Variants in IL4 observed in about 807,000 individuals in gnomAD.
IL4 encodes the protein interleukin-4.
Under a neutral mutation model 17.4 loss-of-function variants are expected in IL4, and 10 were observed. The observed-to-expected ratio is 0.57, with a 90% confidence interval of 0.35 to 0.97. The LOEUF (loss-of-function observed/expected upper bound fraction) is 0.97. Among genes scored for constraint, IL4 ranks in the 50% least tolerant of loss-of-function variants. The pLI is 0.01. For synonymous variants in IL4, 87 were observed against 79.0 expected (o/e 1.10, Z -0.54); for missense variants, 174 against 187.7 (o/e 0.93, Z 0.43).
chr5:132,674,759 C>T (rs368891508), intron 2 of IL4, among the ~76,000 whole-genome samples: 217 of 152,278 alleles, frequency 1.4e-3, no homozygotes, highest in African/African-American at 5.1e-3. Context: ...AAAGAAAAGC[C>T]CTCTTGGGTT....
rs1752460870 is a variant in IL4 at position 132,680,279 on chromosome 5, C to A, written c.360+389C>A. Among the ~76,000 whole-genome samples the A allele has an allele frequency of 6.6e-6, 1 of 152,118 alleles. No individual in the cohort carries two copies. Among genetic ancestry groups the A allele is most frequent in the African/African-American group, 2.4e-5 (1 of 41,424 alleles). On this transcript the variant is annotated intron_variant, in intron 3 of 3. Transcript: ENST00000231449. This position sits in a 1 kb window ranked among gnomAD's most constrained non-coding sequence, Gnocchi z 4.3. ...CAGATATTTGAATTGAGGGAGCAGG[C>A]CACATGACTAACTAGGGAGACCATT...
intron 1 of IL4, 78 bp from the exon 2 acceptor site, chr5:132,674,381 G>C: frequency 6.9e-7 from 1 of 1,454,476 alleles, no homozygotes; most frequent in South Asian, 1.1e-5. Context: ...GAGGGAGTGA[G>C]AGCTGCTCAT....
chr5:132,677,017 G>C (rs972167613), intron 2 of IL4, among the ~76,000 whole-genome samples: 10 of 152,194 alleles, frequency 6.6e-5, no homozygotes, highest in Admixed American at 4.6e-4. Context: ...TTCTTGGGTG[G>C]ACAAGTAGTT....
chr5:132,682,620 T>C lies in IL4; in HGVS notation c.*33T>C. On this transcript the variant is annotated 3_prime_UTR_variant, in exon 4 of 4. Coordinates refer to ENST00000231449, the MANE Select transcript of IL4 (RefSeq NM_000589.4). The stretch of plus-strand genomic sequence containing the variant: ...AATTTATGAGTTTTTGATAGCTTTA[T>C]TTTTTAAGTATTTATATATTTATAA... The C allele has an allele frequency of 9.3e-7, 1 of 1,080,658 alleles. No individual in the cohort carries two copies. The allele number at this position is 1,080,658 out of a possible 1,614,324, so 66.9% of individuals were successfully genotyped here. A position where few individuals can be genotyped will look rare whatever the true frequency, so the allele number is the denominator to read the frequency against.
In IL4 at chr5:132,679,852, A is replaced by G; in HGVS notation, c.322A>G (p.Lys108Glu). 1 of 1,613,868 alleles carries G rather than the reference A, an allele frequency of 6.2e-7. No individual in the cohort carries two copies. The highest frequency in any genetic ancestry group is 1.1e-5 in the South Asian group (1 of 91,066). The change falls in exon 3 of 4, where the codon AAA becomes GAA. Residue 108 changes from lysine (K) to glutamate (E), a missense_variant. By Grantham distance (56) the Lys-to-Glu change is moderately conservative (BLOSUM62 1). Coordinates refer to ENST00000231449, the MANE Select transcript of IL4 (RefSeq NM_000589.4). ...GCACAAGCAGCTGATCCGATTCCTG[A>G]AACGGCTCGACAGGAACCTCTGGGG... is the stretch of plus-strand genomic sequence containing the variant. The part of the protein sequence containing the change: ...HRHKQLIRFL[K>E]RLDRNLWGLA...
At position 132,680,178 on chromosome 5, in the gene IL4, A is replaced by G. The variant is rs1442070755; in HGVS notation, c.360+288A>G. On this transcript the variant is annotated intron_variant, in intron 3 of 3. Coordinates refer to ENST00000231449, the MANE Select transcript of IL4 (RefSeq NM_000589.4). This position sits in a 1 kb window ranked among gnomAD's most constrained non-coding sequence, Gnocchi z 4.3. ...ATGGCCAGCAGTGATACGTGCTACA[A>G]AGAAAAACATAGAAATAAAGAACAT... Among the ~76,000 whole-genome samples, 1 of 152,176 alleles carries G rather than the reference A, an allele frequency of 6.6e-6. No individual in the cohort carries two copies. Among genetic ancestry groups the G allele is most frequent in the Non-Finnish European group, 1.5e-5 (1 of 68,040 alleles).
intron 2 of IL4, among the ~76,000 whole-genome samples, chr5:132,676,875 C>G (rs1752391527): frequency 6.6e-6 from 1 of 152,126 alleles, no homozygotes; most frequent in African/African-American, 2.4e-5. Flanking sequence ...CTACTCTTGG[C>G]AGTTGCTGGA....
At chr5:132,681,635 G>T (rs1172900206) in intron 3 of IL4, among the ~76,000 whole-genome samples, 1 of 152,188 alleles carries the variant, frequency 6.6e-6, no homozygotes, top group Non-Finnish European at 1.5e-5. Context: ...GCACCTGGGG[G>T]AATGGTCCAG....
intron 3 of IL4, among the ~76,000 whole-genome samples, chr5:132,681,005 G>A (rs956330325): frequency 8.5e-5 from 13 of 152,232 alleles, no homozygotes; most frequent in African/African-American, 3.1e-4. Flanking sequence ...AAGATCAAGA[G>A]TTCAATTTTG....
chr5:132,674,234 C>T (rs1752337337), intron 1 of IL4, 49 bp downstream of exon 1: 1 of 1,597,392 alleles, frequency 6.3e-7, no homozygotes, highest in South Asian at 1.1e-5. Flanking sequence ...GTGATGCTCT[C>T]AGTATTTCTA....
intron 2 of IL4, 81 bp downstream of exon 2, chr5:132,674,587 A>C: frequency 8.6e-7 from 1 of 1,167,522 alleles, no homozygotes; most frequent in Admixed American, 1.8e-5. Flanking sequence ...TGTCTAATGG[A>C]AAACGAGCGG....
chr5:132,677,155 C>T (rs1434434802), intron 2 of IL4, among the ~76,000 whole-genome samples: 1 of 152,180 alleles, frequency 6.6e-6, no homozygotes, highest in Non-Finnish European at 1.5e-5. Context: ...CTATCCTGGG[C>T]AGGATGGGAG....
chr5:132,681,386 T>C (rs1218524279), intron 3 of IL4, among the ~76,000 whole-genome samples: 1 of 152,140 alleles, frequency 6.6e-6, no homozygotes, highest in Non-Finnish European at 1.5e-5. Context: ...GCCCCTGGGT[T>C]TGGCTGATGG....
chr5:132,674,274 A>G, intron 1 of IL4, 89 bp downstream of exon 1: 1 of 1,502,126 alleles, frequency 6.7e-7, no homozygotes, highest in Non-Finnish European at 9.2e-7. Flanking sequence ...CTGCTAGAGA[A>G]GTTGGAACTG....
intron 2 of IL4, 23 bp from the exon 3 acceptor site, chr5:132,679,691 A>T: frequency 6.3e-7 from 1 of 1,592,490 alleles, no homozygotes; most frequent in Non-Finnish European, 8.6e-7. Flanking sequence ...GCACATTGCT[A>T]TCTGTGGCAT....
chr5:132,681,283 C>T (rs1009101241), intron 3 of IL4, among the ~76,000 whole-genome samples: 2 of 151,970 alleles, frequency 1.3e-5, no homozygotes, highest in African/African-American at 4.8e-5. Context: ...GGAGAGTGGG[C>T]GGTACCCCAG....
chr5:132,676,823 C>T (rs200877866), intron 2 of IL4, among the ~76,000 whole-genome samples: 28 of 152,236 alleles, frequency 1.8e-4, no homozygotes, highest in South Asian at 2.1e-4. Context: ...TTTATTTCTT[C>T]GGGGGAACAA....
chr5:132,681,160 G>C (rs1056432210), intron 3 of IL4, among the ~76,000 whole-genome samples: 7 of 152,198 alleles, frequency 4.6e-5, no homozygotes, highest in Non-Finnish European at 1.5e-5. Flanking sequence ...AAATCTGAAT[G>C]ACAGAAAGGG....
At chr5:132,676,894 A>T (rs1752391839) in intron 2 of IL4, among the ~76,000 whole-genome samples, 1 of 152,200 alleles carries the variant, frequency 6.6e-6, no homozygotes, top group Non-Finnish European at 1.5e-5. Flanking sequence ...GAAAGAAGGC[A>T]CTGGTCTAGG....
Sources: gnomAD v4.1 joint callset for allele counts (sites outside exome capture counted in the v4.1 genomes callset) on GRCh38, gnomAD v4.1.1 for gene constraint, Gnocchi (gnomAD v3.1) non-coding constraint, MANE v1.5 for transcripts, NCBI Gene and HGNC (gene_info 2026-07-23, HGNC 2026-07-21) for gene names.